Variants in NBAS observed in about 807,000 individuals in gnomAD.
NBAS encodes NBAS subunit of NRZ tethering complex.
NBAS carries 219 observed loss-of-function variants against 302.5 expected under a neutral mutation model. The observed-to-expected ratio is 0.72, with a 90% confidence interval of 0.65 to 0.81. The LOEUF (loss-of-function observed/expected upper bound fraction) is 0.81, where lower values mean the gene tolerates loss of function less well. Ranked by LOEUF, NBAS falls within the 30% of genes least tolerant of loss-of-function variation. The probability of loss-of-function intolerance (pLI) is 0.00; values close to 1 mark genes in which losing one functional copy is unlikely to be tolerated. For missense variants in NBAS, 2,932 were observed against 2,841.6 expected (o/e 1.03, Z -0.72); for synonymous variants, 1,118 against 1,021.6 (o/e 1.09, Z -1.80).
At chr2:15,098,384 TATATTGTATATTATATATTATATATG>T in the NBAS span, among the ~76,000 whole-genome samples, 1 of 26,096 alleles carries the variant, frequency 3.8e-5, no homozygotes, top group Non-Finnish European at 5.7e-5. Context: ...TTATATATGA[TATATTGTATATTATATATTATATATG>T]ATATATTGTA....
chr2:15,334,299 C>T (rs568511293), intron 35 of NBAS, among the ~76,000 whole-genome samples: 1 of 151,998 alleles, frequency 6.6e-6, no homozygotes, highest in Non-Finnish European at 1.5e-5. Flanking sequence ...ATGCCATTCT[C>T]CTGCCTCAGC....
At chr2:15,371,572 C>T (rs1308650895) in intron 31 of NBAS, among the ~76,000 whole-genome samples, 1 of 152,170 alleles carries the variant, frequency 6.6e-6, no homozygotes, top group Non-Finnish European at 1.5e-5. Context: ...ATGTGAAGCT[C>T]AAAGATACTG....
chr2:14,851,449 AC>A, the NBAS span, among the ~76,000 whole-genome samples: 2 of 150,998 alleles, frequency 1.3e-5, no homozygotes, highest in African/African-American at 4.9e-5. Context: ...TAGTTTACCA[AC>A]CAAAAAGAGT....
chr2:15,060,780 T>C, the NBAS span, among the ~76,000 whole-genome samples: 1 of 152,160 alleles, frequency 6.6e-6, no homozygotes, highest in Non-Finnish European at 1.5e-5. Flanking sequence ...ATCATAATCC[T>C]CCCTTCAGAG....
chr2:15,169,195 C>A (rs149790593), intron 51 of NBAS, among the ~76,000 whole-genome samples: 2 of 152,266 alleles, frequency 1.3e-5, no homozygotes, highest in East Asian at 3.9e-4. Context: ...CTCCGGCCTC[C>A]CAATTCATGA....
At chr2:15,498,540 C>A (rs555752685) in intron 11 of NBAS, among the ~76,000 whole-genome samples, 106 of 152,268 alleles carry the variant, frequency 7.0e-4, no homozygotes, top group African/African-American at 2.1e-3. Context: ...CCTCAAAGAC[C>A]TAAAAACAGA....
At chr2:15,292,845 C>A in intron 40 of NBAS, 79 bp from the exon 41 acceptor site, 2 of 1,365,048 alleles carry the variant, frequency 1.5e-6, no homozygotes, top group South Asian at 2.4e-5. Context: ...GGAAGAAGAC[C>A]ATGTCTGCAA....
At chr2:15,154,663 G>A in the NBAS span, among the ~76,000 whole-genome samples, 1 of 152,164 alleles carries the variant, frequency 6.6e-6, no homozygotes, top group Non-Finnish European at 1.5e-5. Context: ...TCTGATATAG[G>A]AGCAGTACAT....
the NBAS span, among the ~76,000 whole-genome samples, chr2:14,953,047 G>T: frequency 5.1e-4 from 77 of 152,368 alleles, no homozygotes; most frequent in African/African-American, 1.8e-3. Context: ...GAGCAGGGAA[G>T]GATGTTCTGG....
chr2:15,551,039 T>C (rs1169487316), intron 6 of NBAS, among the ~76,000 whole-genome samples: 5 of 152,204 alleles, frequency 3.3e-5, no homozygotes, highest in Admixed American at 3.3e-4. Context: ...ATATGCTTCA[T>C]GAGATAAAGG....
chr2:15,232,425 T>C lies in NBAS; in HGVS notation c.6233A>G (p.Lys2078Arg). 1.2e-6 allele frequency: 2 copies of C among 1,613,818 alleles called. No homozygotes were observed. The highest frequency in any genetic ancestry group is 1.3e-5 in the African/African-American group (1 of 75,034). Reference protein sequence around the residue: ...VVAAVHASVDKGEELVSPEDL... With the variant: ...VVAAVHASVDRGEELVSPEDL... ...GCACATACTGTTCTAGTCTTACCCC[T>C]TGTCCACACTGGCGTGGACTGCTGC... Residue 2078 changes from lysine (K) to arginine (R), a missense_variant, in exon 47 of 52, where the codon AAG becomes AGG. Physicochemically the swap from Lys to Arg is conservative, Grantham distance 26. Coordinates refer to ENST00000281513, the MANE Select transcript of NBAS (RefSeq NM_015909.4).
At chr2:15,067,487 G>A in the NBAS span, among the ~76,000 whole-genome samples, 1 of 147,500 alleles carries the variant, frequency 6.8e-6, no homozygotes, top group Non-Finnish European at 1.5e-5. Flanking sequence ...GAGGAGAAGA[G>A]AAGAAAAGAA....
the NBAS span, among the ~76,000 whole-genome samples, chr2:15,019,373 C>T: frequency 2.0e-5 from 3 of 152,256 alleles, no homozygotes; most frequent in Admixed American, 2.0e-4. Flanking sequence ...TTCTCAACTG[C>T]CTATCTGATT....
At chr2:14,856,272 A>G in the NBAS span, among the ~76,000 whole-genome samples, 1 of 152,248 alleles carries the variant, frequency 6.6e-6, no homozygotes, top group Non-Finnish European at 1.5e-5. Flanking sequence ...AATACAGCTT[A>G]GATCACAACA....
chr2:15,042,148 A>G, the NBAS span, among the ~76,000 whole-genome samples: 2 of 152,230 alleles, frequency 1.3e-5, no homozygotes, highest in Non-Finnish European at 2.9e-5. Flanking sequence ...CTTTTGTAAG[A>G]AAGGCAATGG....
At chr2:15,213,591 G>GT (rs1666520551) in intron 48 of NBAS, among the ~76,000 whole-genome samples, 1 of 152,240 alleles carries the variant, frequency 6.6e-6, no homozygotes, top group African/African-American at 2.4e-5. Flanking sequence ...AAGAATATAG[G>GT]TTTTAGAACC....
rs565228279 is a variant in NBAS at position 15,539,309 on chromosome 2, C to T, written c.427G>A (p.Asp143Asn). 86 of 1,614,096 alleles carry T rather than the reference C, an allele frequency of 5.3e-5. No individual in the cohort carries two copies. The highest frequency in any genetic ancestry group is 8.0e-5 in the African/African-American group (6 of 74,932). The stretch of plus-strand genomic sequence containing the variant: ...TCGGCATAGGCCAGTAGGGTACAAT[C>T]GTAACTCCATGCTACCCGTCTCCAC... Reference protein sequence around the residue: ...PQWRRVAWSYDCTLLAYAEST... With the variant: ...PQWRRVAWSYNCTLLAYAEST... The change falls in exon 7 of 52, where the codon GAT becomes AAT. Residue 143 changes from aspartate to asparagine, a missense_variant. Coordinates refer to ENST00000281513, the MANE Select transcript of NBAS (RefSeq NM_015909.4).
chr2:15,361,054 A>G (rs1673895599), intron 32 of NBAS, among the ~76,000 whole-genome samples: 1 of 152,190 alleles, frequency 6.6e-6, no homozygotes, highest in East Asian at 1.9e-4. Flanking sequence ...TTACATCTCC[A>G]TCACCATAAA....
At chr2:15,297,468 T>A (rs1558512747) in intron 40 of NBAS, among the ~76,000 whole-genome samples, 1 of 152,200 alleles carries the variant, frequency 6.6e-6, no homozygotes, top group Non-Finnish European at 1.5e-5. Context: ...ACTTCCCCCC[T>A]TGCTGTTCTC....
Sources: gnomAD v4.1 joint callset for allele counts (sites outside exome capture counted in the v4.1 genomes callset) on GRCh38, gnomAD v4.1.1 for gene constraint, MANE v1.5 for transcripts, NCBI Gene and HGNC (gene_info 2026-07-23, HGNC 2026-07-21) for gene names.